The following BTN3A3 variants were observed in gnomAD, a reference collection of about 807,000 sequenced individuals.
BTN3A3 encodes the protein butyrophilin subfamily 3 member A3.
BTN3A3 carries 39 observed loss-of-function variants against 43.2 expected under a neutral mutation model. The ratio of observed to expected loss-of-function variants is 0.90; its 90% CI spans 0.70 to 1.18. The LOEUF (loss-of-function observed/expected upper bound fraction) is 1.18, where lower values mean the gene tolerates loss of function less well. BTN3A3 is among the 50% of genes most tolerant of loss of function. The pLI, the probability that BTN3A3 is intolerant of heterozygous loss-of-function variation, is 0.00. For missense variants in BTN3A3, 631 were observed against 722.8 expected (o/e 0.87, Z 1.46); for synonymous variants, 255 against 272.7 (o/e 0.93, Z 0.64).
chr6:26,441,573 A>C (rs1762638064), intron 1 of BTN3A3, among the ~76,000 whole-genome samples: 1 of 151,280 alleles, frequency 6.6e-6, no homozygotes, highest in Admixed American at 6.6e-5. Flanking sequence ...TTTTAATAGC[A>C]TTTCCTTGGT....
chr6:26,446,698 T>C (rs1450617461), intron 5 of BTN3A3, among the ~76,000 whole-genome samples: 1 of 152,172 alleles, frequency 6.6e-6, no homozygotes, highest in African/African-American at 2.4e-5. Context: ...AGATGATCCA[T>C]GTAAAAGGTT....
rs757806390 is a variant in BTN3A3 at position 26,451,669 on chromosome 6, C to G, written c.1019-6C>G. ...CCCCATGGACACCTCCTCAAACTCT[C>G]TGCAGCGGATGTGATTCTGGATCCA... On this transcript the variant is annotated splice_polypyrimidine_tract_variant and splice_region_variant and intron_variant, in intron 10 of 10. Coordinates refer to ENST00000244519, the MANE Select transcript of BTN3A3 (RefSeq NM_006994.5). The G allele has an allele frequency of 6.2e-7, 1 of 1,606,890 alleles. No homozygotes were observed. The highest frequency in any genetic ancestry group is 1.1e-5 in the South Asian group (1 of 89,986).
chr6:26,443,798 T>A (rs1762702202), intron 3 of BTN3A3, 139 bp downstream of exon 3: 1 of 1,495,796 alleles, frequency 6.7e-7, no homozygotes. Flanking sequence ...CATCCCAACC[T>A]GAAGGACCAC....
chr6:26,451,842 T>A lies in BTN3A3; in HGVS notation c.1186T>A (p.Tyr396Asn). The A allele has an allele frequency of 6.2e-7, 1 of 1,614,182 alleles. No individual in the cohort carries two copies. The highest frequency in any genetic ancestry group is 8.5e-7 in the Non-Finnish European group (1 of 1,180,024). ...GCENFTSGRH[Y>N]WEVEVGDRKE... is the part of the protein sequence containing the mutation. ...TGAAAACTTCACATCAGGGAGACAT[T>A]ACTGGGAGGTGGAAGTGGGGGACAG... The change falls in exon 11 of 11, where the codon TAC (tyrosine) becomes AAC (asparagine). Residue 396 changes from tyrosine (Y) to asparagine (N), a missense_variant. This residue lies in a region of BTN3A3 where 551 missense variants were observed against 584.0 expected (regional missense o/e 0.94). Transcript: ENST00000244519.
At chr6:26,441,755 C>T (rs1054776375) in intron 1 of BTN3A3, among the ~76,000 whole-genome samples, 4 of 151,800 alleles carry the variant, frequency 2.6e-5, no homozygotes, top group Non-Finnish European at 1.5e-5. Context: ...TGTTTTAAAC[C>T]CCTGGGCTCA....
At position 26,450,119 on chromosome 6, in the gene BTN3A3, C is replaced by G. The variant is rs1382917093; in HGVS notation, c.1004C>G (p.Ala335Gly). The G allele has an allele frequency of 6.2e-7, 1 of 1,613,664 alleles. No individual in the cohort carries two copies. The part of the protein sequence containing the change: ...KSLAYHEWKM[A>G]LFKPADVILD... The stretch of plus-strand genomic sequence containing the variant: ...TCCTTCCTTTCAGAATGGAAAATGG[C>G]CCTCTTCAAACCTGGTGAGTAAATC... Residue 335 changes from alanine (A) to glycine (G), a missense_variant, in exon 10 of 11, where the codon GCC (alanine) becomes GGC (glycine). Coordinates refer to ENST00000244519, the MANE Select transcript of BTN3A3 (RefSeq NM_006994.5).
In BTN3A3 at chr6:26,443,369, A is replaced by C. The variant is rs547307911; in HGVS notation, c.-66-13A>C. 1,415 of 1,246,792 alleles carry C rather than the reference A, an allele frequency of 1.1e-3. 4 individuals carry two copies. Among genetic ancestry groups the C allele is most frequent in the African/African-American group, 8.9e-3 (578 of 64,834 alleles). The allele number at this position is 1,246,792 out of a possible 1,614,324, so 77.2% of individuals were successfully genotyped here. ...GAGATGTCCTGATCAGATAACAGAT[A>C]TTATTTTTACAGATGGTTTTCCATA... On this transcript the variant is annotated splice_polypyrimidine_tract_variant and intron_variant, in intron 1 of 10. Transcript: ENST00000244519.
At chr6:26,448,586 T>C (rs763376089) in intron 6 of BTN3A3, 31 bp from the exon 7 acceptor site, 2 of 1,613,766 alleles carry the variant, frequency 1.2e-6, no homozygotes, top group African/African-American at 1.3e-5. Flanking sequence ...AACTGTTCTT[T>C]TTTTCTTTTC....
chr6:26,445,787 C>A lies in BTN3A3; in HGVS notation c.517C>A (p.Pro173Thr), dbSNP rs1181082735. 2.5e-6 allele frequency: 4 copies of A among 1,613,942 alleles called. No homozygotes were observed. Among genetic ancestry groups the A allele is most frequent in the Admixed American group, 3.3e-5 (2 of 59,990 alleles). ...HLECRSTGWYPQPQIKWSDTK... is the reference protein window; with the variant it reads ...HLECRSTGWYTQPQIKWSDTK... The stretch of plus-strand genomic sequence containing the variant: ...GGAGTGCAGGTCCACTGGCTGGTAC[C>A]CCCAACCCCAAATAAAGTGGAGCGA... The change falls in exon 5 of 11, where the codon CCC (proline) becomes ACC (threonine). Residue 173 changes from proline (P) to threonine (T), a missense_variant. Around this residue, in one of 2 missense-constraint regions of BTN3A3, gnomAD observed 551 missense variants for 584.0 expected, o/e 0.94. Transcript: ENST00000244519.
rs368285328 is a variant in BTN3A3, at chr6:26,444,038, C to T, written c.167C>T (p.Pro56Leu). The change falls in exon 4 of 11, where the codon CCG becomes CTG. Residue 56 changes from proline to leucine, a missense_variant. Pro to Leu is a moderately conservative substitution (Grantham distance 98). Coordinates refer to ENST00000244519, the MANE Select transcript of BTN3A3 (RefSeq NM_006994.5). The part of the protein sequence containing the change: ...EDADLPCHLF[P>L]TMSAETMELR... ...GCTGATCTGCCCTGTCACCTGTTCC[C>T]GACCATGAGTGCAGAGACCATGGAG... The T allele has an allele frequency of 2.9e-5, 47 of 1,613,950 alleles. No homozygotes were observed. The highest frequency in any genetic ancestry group is 1.6e-4 in the South Asian group (15 of 91,068).
Position 26,452,403 on chromosome 6 carries a change from C to T in BTN3A3, c.1747C>T (p.Leu583Phe), listed in dbSNP as rs1404742304. The change falls in exon 11 of 11, where the codon CTT becomes TTT. Residue 583 changes from leucine (L) to phenylalanine (F), a missense_variant. Transcript: ENST00000244519. Reference sequence around the variant, plus strand: ...TAAGCTACAGGCACGCACTGAAGCACTTTACTGATATTCATTCCATTATTC... The same window carrying T: ...TAAGCTACAGGCACGCACTGAAGCATTTTACTGATATTCATTCCATTATTC... ...NHKLQARTEA[L>F]Y is the part of the protein sequence containing the mutation. The T allele has an allele frequency of 6.3e-7, 1 of 1,597,414 alleles. No homozygotes were observed. The highest frequency in any genetic ancestry group is 1.1e-5 in the South Asian group (1 of 90,648).
chr6:26,451,566 G>A (rs1411679858), intron 10 of BTN3A3, 109 bp from the exon 11 acceptor site: 8 of 1,495,088 alleles, frequency 5.4e-6, no homozygotes, highest in African/African-American at 2.8e-5. Context: ...GGCTAGGGAC[G>A]CCAGGTTCTG....
rs770646729 is a variant in BTN3A3, at chr6:26,448,260, G to A, written c.728G>A (p.Arg243Lys). 3 of 1,613,490 alleles carry A rather than the reference G, an allele frequency of 1.9e-6. No homozygotes were observed. Among genetic ancestry groups the A allele is most frequent in the Non-Finnish European group, 2.5e-6 (3 of 1,179,878 alleles). Residue 243 changes from arginine to lysine, a missense_variant, in exon 6 of 11, where the codon AGG (arginine) becomes AAG (lysine). By Grantham distance (26) the Arg-to-Lys change is conservative. Around this residue, in one of 2 missense-constraint regions of BTN3A3, gnomAD observed 551 missense variants for 584.0 expected, o/e 0.94. Transcript: ENST00000244519. The stretch of plus-strand genomic sequence containing the variant: ...CTCCCCTTCGCAGACCCCTTCTTCA[G>A]GAGCGCCCAGCCCTGGATCGCGGCC... ...ASISIADPFFRSAQPWIAALA... is the reference protein window; with the variant it reads ...ASISIADPFFKSAQPWIAALA...
At chr6:26,448,214 T>C (rs746721271) in intron 5 of BTN3A3, 34 bp from the exon 6 acceptor site, 3 of 1,607,934 alleles carry the variant, frequency 1.9e-6, no homozygotes, top group African/African-American at 2.7e-5. Flanking sequence ...CTGAGTGCAC[T>C]AGCTCCCATG....
intron 1 of BTN3A3, among the ~76,000 whole-genome samples, chr6:26,441,127 G>A (rs149315331): frequency 6.6e-6 from 1 of 152,264 alleles, no homozygotes; most frequent in East Asian, 1.9e-4. Flanking sequence ...ATCTGAACCA[G>A]CATACACATA....
At position 26,443,587 on chromosome 6, in the gene BTN3A3, A is replaced by G; in HGVS notation, c.13A>G (p.Ser5Gly). Residue 5 changes from serine (S) to glycine (G), a missense_variant, in exon 3 of 11, where the codon AGT becomes GGT. Physicochemically the swap from Ser to Gly is moderately conservative, Grantham distance 56 (BLOSUM62 0). Around this residue, in one of 2 missense-constraint regions of BTN3A3, gnomAD observed 80 missense variants for 138.7 expected, o/e 0.58. Coordinates refer to ENST00000244519, the MANE Select transcript of BTN3A3 (RefSeq NM_006994.5). MKMA[S>G]SLAFLLLNFH... ...ATATGCAGCATAGATGAAAATGGCA[A>G]GTTCCCTGGCTTTCCTTCTGCTCAA... is the stretch of plus-strand genomic sequence containing the variant. 6.2e-7 allele frequency: 1 copy of G among 1,614,162 alleles called. No homozygotes were observed. The highest frequency in any genetic ancestry group is 1.1e-5 in the South Asian group (1 of 91,074).
At chr6:26,441,497 CT>C (rs71544683) in intron 1 of BTN3A3, among the ~76,000 whole-genome samples, 44 of 143,572 alleles carry the variant, frequency 3.1e-4, no homozygotes, top group African/African-American at 2.3e-4. Flanking sequence ...TAATTTCTGT[CT>C]TTTTTTTTTG....
At position 26,443,503 on chromosome 6, in the gene BTN3A3, A is replaced by G. The variant is rs149858554; in HGVS notation, c.-6+61A>G. Reference sequence around the variant, plus strand: ...CCTGGGGAAGTGGACATTTCCATGCAGAAGCCTAAAGCTTCTTCCAGGCCA... The same window carrying G: ...CCTGGGGAAGTGGACATTTCCATGCGGAAGCCTAAAGCTTCTTCCAGGCCA... On this transcript the variant is annotated intron_variant, in intron 2 of 10. Transcript: ENST00000244519. 611 of 1,607,440 alleles carry G rather than the reference A, an allele frequency of 3.8e-4. No homozygotes were observed. In the African/African-American group the frequency reaches 6.3e-3, roughly 16 times the overall value.
chr6:26,444,230 A>G lies in BTN3A3; in HGVS notation c.359A>G (p.Asp120Gly), dbSNP rs762236927. ...ALRIHNVTAS[D>G]SGKYLCYFQD... ...CGAATACACAACGTCACAGCCTCTGACAGTGGAAAGTACTTGTGTTATTTC... is the reference window on the plus strand; with the variant it reads ...CGAATACACAACGTCACAGCCTCTGGCAGTGGAAAGTACTTGTGTTATTTC... Residue 120 changes from aspartate to glycine, a missense_variant, in exon 4 of 11, where the codon GAC becomes GGC. Physicochemically the swap from Asp to Gly is moderately conservative, Grantham distance 94 (BLOSUM62 -1). Around this residue, in one of 2 missense-constraint regions of BTN3A3, gnomAD observed 551 missense variants for 584.0 expected, o/e 0.94. Coordinates refer to ENST00000244519, the MANE Select transcript of BTN3A3 (RefSeq NM_006994.5). 9 of 1,612,076 alleles carry G rather than the reference A, an allele frequency of 5.6e-6. No homozygotes were observed. Among genetic ancestry groups the G allele is most frequent in the South Asian group, 3.3e-5 (3 of 90,994 alleles).
Sources: allele counts gnomAD v4.1 joint callset (sites outside exome capture counted in the v4.1 genomes callset), GRCh38; gene constraint gnomAD v4.1.1; regional missense constraint gnomAD v4.1.1; transcripts MANE v1.5; gene names NCBI Gene and HGNC (gene_info 2026-07-23, HGNC 2026-07-21).